Variants in NKAIN2 observed in about 807,000 individuals in gnomAD.
NKAIN2 encodes sodium/potassium-transporting ATPase subunit beta-1-interacting protein 2.
Under a neutral mutation model 32.6 loss-of-function variants are expected in NKAIN2, and 14 were observed. The observed-to-expected ratio is 0.43, with a 90% confidence interval of 0.28 to 0.67. The LOEUF (loss-of-function observed/expected upper bound fraction) is 0.67, where lower values mean the gene tolerates loss of function less well. NKAIN2 is among the 30% of genes least tolerant of loss of function. NKAIN2 has a pLI of 0.17. For missense variants in NKAIN2, 198 were observed against 258.3 expected (o/e 0.77, Z 1.60); for synonymous variants, 80 against 87.2 (o/e 0.92, Z 0.46).
intron 4 of NKAIN2, among the ~76,000 whole-genome samples, chr6:124,675,073 A>G (rs1240042071): frequency 1.3e-5 from 2 of 151,972 alleles, no homozygotes; most frequent in Non-Finnish European, 2.9e-5. Context: ...CATGAAAAAG[A>G]GGTGAATTTT....
At chr6:124,584,380 G>A (rs1412004292) in intron 3 of NKAIN2, among the ~76,000 whole-genome samples, 2 of 152,118 alleles carry the variant, frequency 1.3e-5, no homozygotes, top group African/African-American at 2.4e-5. Flanking sequence ...GGCCAGGCAT[G>A]GTGGCTTACA....
chr6:124,758,682 C>G (rs936599722), intron 4 of NKAIN2, among the ~76,000 whole-genome samples: 3 of 152,140 alleles, frequency 2.0e-5, no homozygotes, highest in African/African-American at 4.8e-5. Flanking sequence ...CCAGGGAATT[C>G]TGCTTAAGTT....
chr6:124,032,889 T>C (rs999308130), intron 1 of NKAIN2, among the ~76,000 whole-genome samples: 83 of 152,204 alleles, frequency 5.5e-4, no homozygotes, highest in African/African-American at 1.9e-3. Flanking sequence ...TCTCTGGTAA[T>C]GTTTGTTTGC....
intron 1 of NKAIN2, among the ~76,000 whole-genome samples, chr6:124,030,518 G>T (rs1212021245): frequency 1.3e-5 from 2 of 152,122 alleles, no homozygotes; most frequent in Non-Finnish European, 2.9e-5. Flanking sequence ...AAATCATCAG[G>T]ACAATGATGG....
intron 1 of NKAIN2, among the ~76,000 whole-genome samples, chr6:124,263,632 T>C (rs1427055952): frequency 6.6e-6 from 1 of 152,222 alleles, no homozygotes; most frequent in Admixed American, 6.5e-5. Flanking sequence ...TCTTCTGTCA[T>C]ACTAACAGGC....
At chr6:123,928,410 T>C (rs1417257476) in intron 1 of NKAIN2, among the ~76,000 whole-genome samples, 1 of 152,158 alleles carries the variant, frequency 6.6e-6, no homozygotes, top group East Asian at 1.9e-4. Flanking sequence ...AAAATAAAAG[T>C]TGAAAATTTT....
chr6:124,577,710 A>G (rs1004144102), intron 3 of NKAIN2, among the ~76,000 whole-genome samples: 1 of 152,056 alleles, frequency 6.6e-6, no homozygotes, highest in African/African-American at 2.4e-5. Context: ...ATGCAACCTA[A>G]TGAGATAATA....
At chr6:124,791,476 T>A (rs993202563) in intron 5 of NKAIN2, 77 bp downstream of exon 5, 13 of 925,630 alleles carry the variant, frequency 1.4e-5, no homozygotes, top group Non-Finnish European at 2.2e-5. Context: ...GCCTTCCTAT[T>A]CCTCAGACAA....
chr6:124,734,938 A>G (rs1297950791), intron 4 of NKAIN2, among the ~76,000 whole-genome samples: 1 of 151,922 alleles, frequency 6.6e-6, no homozygotes, highest in Non-Finnish European at 1.5e-5. Context: ...TATTTAAAAT[A>G]TCTGCAAAGT....
Position 123,908,717 on chromosome 6 carries a change from G to A in NKAIN2, c.54+104463G>A, listed in dbSNP as rs576408860. ...ACGTACTGTTTATCTGACTCATGTA[G>A]TTGAATATTCAGTAATACAGAGTTT... is the stretch of plus-strand genomic sequence containing the variant. On this transcript the variant is annotated intron_variant, in intron 1 of 6. Transcript: ENST00000368417. 2.6e-5 allele frequency among the ~76,000 whole-genome samples: 4 copies of A among 152,274 alleles called. No homozygotes were observed. The South Asian group carries it at 8.3e-4, about 32-fold the overall frequency.
chr6:124,513,912 G>A (rs140314759), intron 3 of NKAIN2, among the ~76,000 whole-genome samples: 2 of 152,272 alleles, frequency 1.3e-5, no homozygotes, highest in Admixed American at 1.3e-4. Context: ...AACATAAAAT[G>A]TGTGCTTGAT....
intron 1 of NKAIN2, among the ~76,000 whole-genome samples, chr6:124,052,449 A>C (rs1414716116): frequency 6.6e-6 from 1 of 152,040 alleles, no homozygotes; most frequent in Non-Finnish European, 1.5e-5. Flanking sequence ...ATATTAACCA[A>C]ACCTCGAATT....
chr6:124,551,325 G>A (rs1368399835), intron 3 of NKAIN2, among the ~76,000 whole-genome samples: 1 of 152,194 alleles, frequency 6.6e-6, no homozygotes, highest in Non-Finnish European at 1.5e-5. Flanking sequence ...TGCAACTGCA[G>A]CTGAGAAATG....
chr6:124,202,269 T>G (rs1360753878), intron 1 of NKAIN2, among the ~76,000 whole-genome samples: 1 of 151,990 alleles, frequency 6.6e-6, no homozygotes, highest in African/African-American at 2.4e-5. Flanking sequence ...AAGTCCCACT[T>G]AACATATCAG....
At chr6:124,105,518 C>A (rs754620250) in intron 1 of NKAIN2, among the ~76,000 whole-genome samples, 6 of 152,052 alleles carry the variant, frequency 3.9e-5, no homozygotes, top group Non-Finnish European at 8.8e-5. Context: ...ACAGTGTGAC[C>A]AAATAAATTG....
intron 1 of NKAIN2, among the ~76,000 whole-genome samples, chr6:123,903,096 C>T (rs1774682447): frequency 6.6e-6 from 1 of 152,176 alleles, no homozygotes; most frequent in South Asian, 2.1e-4. Context: ...GGGAAACTAC[C>T]ACTGAATCAT....
At chr6:124,795,244 C>A (rs75245869) in intron 5 of NKAIN2, among the ~76,000 whole-genome samples, 4 of 152,152 alleles carry the variant, frequency 2.6e-5, no homozygotes, top group Admixed American at 2.6e-4. Context: ...ATGATGGCAA[C>A]TGGACAAAAT....
At chr6:124,558,948 T>TCAAA (rs3053603) in intron 3 of NKAIN2, among the ~76,000 whole-genome samples, 70,572 of 149,990 alleles carry the variant, frequency 0.47, 16,756 homozygotes, top group East Asian at 0.68. Flanking sequence ...AAACTCCATC[T>TCAAA]CAAACAAACA....
At chr6:124,203,097 T>C (rs562320460) in intron 1 of NKAIN2, among the ~76,000 whole-genome samples, 65 of 152,054 alleles carry the variant, frequency 4.3e-4, no homozygotes, top group African/African-American at 1.6e-3. Context: ...ATTTGCTCAA[T>C]CTGTCTGTTT....
Sources: allele counts gnomAD v4.1 joint callset (sites outside exome capture counted in the v4.1 genomes callset), GRCh38; gene constraint gnomAD v4.1.1; transcripts MANE v1.5; gene names NCBI Gene and HGNC (gene_info 2026-07-23, HGNC 2026-07-21).